Variants in TNNC1 observed in about 807,000 individuals in gnomAD.
TNNC1 encodes troponin C1, slow skeletal and cardiac type.
Under a neutral mutation model 19.6 loss-of-function variants are expected in TNNC1, and 10 were observed. The observed-to-expected ratio is 0.51, with a 90% CI of 0.31 to 0.87. TNNC1 has a LOEUF of 0.87. TNNC1 is among the 40% of genes least tolerant of loss of function. The pLI, the probability that TNNC1 is intolerant of heterozygous loss-of-function variation, is 0.04. For missense variants in TNNC1, 115 were observed against 219.8 expected (o/e 0.52, Z 3.02); for synonymous variants, 85 against 80.1 (o/e 1.06, Z -0.33).
At position 52,452,423 on chromosome 3, in the gene TNNC1, A is replaced by AG; in HGVS notation, c.55+59dup. 1 of 1,601,896 alleles carries AG rather than the reference A, an allele frequency of 6.2e-7. No homozygotes were observed. The highest frequency in any genetic ancestry group is 2.2e-5 in the East Asian group (1 of 44,644). On this transcript the variant is annotated intron_variant, in intron 2 of 5. Coordinates refer to ENST00000232975, the MANE Select transcript of TNNC1 (RefSeq NM_003280.3). This position sits in a 1 kb window ranked among gnomAD's most constrained non-coding sequence, Gnocchi z 5.2. ...TCTGGCCTGGGGTCCTCTTCTGATAAGGGGTCCCCATGCCAGCCTGGACCC... is the reference window on the plus strand; with the variant it reads ...TCTGGCCTGGGGTCCTCTTCTGATAAGGGGGTCCCCATGCCAGCCTGGACCC...
chr3:52,452,620 T>G lies in TNNC1; in HGVS notation c.25-107A>C. The G allele has an allele frequency of 8.0e-7, 1 of 1,244,930 alleles. No homozygotes were observed. Among genetic ancestry groups the G allele is most frequent in the Non-Finnish European group, 1.2e-6 (1 of 865,160 alleles). 77.1% of individuals were successfully genotyped at this position (1,244,930 alleles called of 1,614,324 possible). A position where few individuals can be genotyped will look rare whatever the true frequency, so the allele number is the denominator to read the frequency against. The stretch of plus-strand genomic sequence containing the variant: ...GCTGGAGCTGGAGGAGGCAGGCTAT[T>G]TCCAGGCCACAGAGTGGAGGTCTCA... On this transcript the variant is annotated intron_variant, in intron 1 of 5. Transcript: ENST00000232975. The surrounding 1 kb of genome is among the most constrained non-coding windows in gnomAD (Gnocchi z 5.2).
In TNNC1 at chr3:52,452,755, T is replaced by C; in HGVS notation, c.25-242A>G. 1 of 595,132 alleles carries C rather than the reference T, an allele frequency of 1.7e-6. No individual in the cohort carries two copies. Among genetic ancestry groups the C allele is most frequent in the Non-Finnish European group, 3.0e-6 (1 of 333,022 alleles). The allele number at this position is 595,132 out of a possible 1,614,324, so 36.9% of individuals were successfully genotyped here. On this transcript the variant is annotated intron_variant, in intron 1 of 5. Coordinates refer to ENST00000232975, the MANE Select transcript of TNNC1 (RefSeq NM_003280.3). The surrounding 1 kb of genome is among the most constrained non-coding windows in gnomAD (Gnocchi z 5.2). Reference sequence around the variant, plus strand: ...ACCCCCTTCAGGACCAAGGTGACCCTCAGTAACAATAGTCAGTGACCACTC... The same window carrying C: ...ACCCCCTTCAGGACCAAGGTGACCCCCAGTAACAATAGTCAGTGACCACTC...
rs1706365882 is a variant in TNNC1 at position 52,453,857 on chromosome 3, A to AGGGCCTGGGTTGAAGGCACGT, written c.24+114_24+134dup. 32 of 1,025,842 alleles carry AGGGCCTGGGTTGAAGGCACGT rather than the reference A, an allele frequency of 3.1e-5. No homozygotes were observed. The South Asian group carries it at 4.4e-4, about 14-fold the overall frequency. 63.5% of individuals were successfully genotyped at this position (1,025,842 alleles called of 1,614,324 possible). ...AAACACCAGAATCACTGTCCCTGTG[A>AGGGCCTGGGTTGAAGGCACGT]GGGCCTGGGTTGAAGGCACGTAGGC... On this transcript the variant is annotated intron_variant, in intron 1 of 5. Coordinates refer to ENST00000232975, the MANE Select transcript of TNNC1 (RefSeq NM_003280.3).
intron 1 of TNNC1, 66 bp downstream of exon 1, chr3:52,453,926 C>T: frequency 6.5e-7 from 1 of 1,545,246 alleles, no homozygotes; most frequent in African/African-American, 1.4e-5. Flanking sequence ...ACTAACCCCG[C>T]ACTCTCAGCT....
intron 1 of TNNC1, among the ~76,000 whole-genome samples, chr3:52,453,293 G>T (rs1053781681): frequency 1.3e-5 from 2 of 152,332 alleles, no homozygotes; most frequent in Middle Eastern, 3.4e-3. Flanking sequence ...CCAGGAGGTT[G>T]CAGGGGCTTG....
At position 52,451,748 on chromosome 3, in the gene TNNC1, C is replaced by G. The variant is rs1706330427; in HGVS notation, c.313G>C (p.Asp105His). Residue 105 changes from aspartate to histidine, a missense_variant, in exon 4 of 6, where the codon GAC becomes CAC. Asp to His is a moderately conservative substitution (Grantham distance 81). This residue lies in a region of TNNC1 where 96 missense variants were observed against 114.2 expected (regional missense o/e 0.84). Transcript: ENST00000232975. This position sits in a 1 kb window ranked among gnomAD's most constrained non-coding sequence, Gnocchi z 4.8. ...EELSDLFRMF[D>H]KNADGYIDLD... ...GGTCAAGGGTCACGTGCTCACTTGT[C>G]AAACATGCGGAAGAGGTCAGACAGC... 3.1e-6 allele frequency: 5 copies of G among 1,613,954 alleles called. No individual in the cohort carries two copies. Among genetic ancestry groups the G allele is most frequent in the Non-Finnish European group, 4.2e-6 (5 of 1,179,952 alleles).
Position 52,451,539 on chromosome 3 carries a change from G to A in TNNC1, c.318-12C>T. On this transcript the variant is annotated splice_polypyrimidine_tract_variant and intron_variant, in intron 4 of 5. Coordinates refer to ENST00000232975, the MANE Select transcript of TNNC1 (RefSeq NM_003280.3). This position sits in a 1 kb window ranked among gnomAD's most constrained non-coding sequence, Gnocchi z 4.8. Reference sequence around the variant, plus strand: ...AGCCATCAGCATTTCTGTGGGGAGGGGGCTCAGGGTAGGGCTGTGGGGAGG... The same window carrying A: ...AGCCATCAGCATTTCTGTGGGGAGGAGGCTCAGGGTAGGGCTGTGGGGAGG... The A allele has an allele frequency of 6.2e-7, 1 of 1,613,994 alleles. No individual in the cohort carries two copies. Among genetic ancestry groups the A allele is most frequent in the Non-Finnish European group, 8.5e-7 (1 of 1,180,002 alleles).
chr3:52,451,813 C>G lies in TNNC1; in HGVS notation c.248G>C (p.Arg83Pro). The G allele has an allele frequency of 6.2e-7, 1 of 1,614,080 alleles. No individual in the cohort carries two copies. The highest frequency in any genetic ancestry group is 1.1e-5 in the South Asian group (1 of 91,086). The change falls in exon 4 of 6, where the codon CGG becomes CCG. Residue 83 changes from arginine to proline, a missense_variant. Physicochemically the swap from Arg to Pro is moderately radical, Grantham distance 103 (BLOSUM62 -2). Coordinates refer to ENST00000232975, the MANE Select transcript of TNNC1 (RefSeq NM_003280.3). This position sits in a 1 kb window ranked among gnomAD's most constrained non-coding sequence, Gnocchi z 4.8. ...DFDEFLVMMV[R>P]CMKDDSKGKS... ...CCCTTTGCTGTCGTCCTTCATGCAC[C>G]GAACCATCATGACCAGGAACTCATC...
At chr3:52,453,186 C>T (rs1309401623) in intron 1 of TNNC1, among the ~76,000 whole-genome samples, 1 of 152,168 alleles carries the variant, frequency 6.6e-6, no homozygotes. Context: ...GAGGGGTTCC[C>T]CTGGGGACAG....
chr3:52,452,669 C>A lies in TNNC1; in HGVS notation c.25-156G>T. The A allele has an allele frequency of 1.2e-6, 1 of 839,414 alleles. No homozygotes were observed. The highest frequency in any genetic ancestry group is 2.0e-6 in the Non-Finnish European group (1 of 511,380). The allele number at this position is 839,414 out of a possible 1,614,324, so 52.0% of individuals were successfully genotyped here. Reference sequence around the variant, plus strand: ...CAGTCCTCCCTCCCTGCCCCCAAAGCCCTGACGTGACCCAGCTGGCCTCAC... The same window carrying A: ...CAGTCCTCCCTCCCTGCCCCCAAAGACCTGACGTGACCCAGCTGGCCTCAC... On this transcript the variant is annotated intron_variant, in intron 1 of 5. Coordinates refer to ENST00000232975, the MANE Select transcript of TNNC1 (RefSeq NM_003280.3). This position sits in a 1 kb window ranked among gnomAD's most constrained non-coding sequence, Gnocchi z 5.2.
chr3:52,453,904 T>C (rs996134893), intron 1 of TNNC1, 88 bp downstream of exon 1: 7 of 1,498,316 alleles, frequency 4.7e-6, no homozygotes, highest in Non-Finnish European at 6.4e-6. Context: ...TCCCCACCAC[T>C]TCCCTGGGGC....
Position 52,452,474 on chromosome 3 carries a change from G to T in TNNC1, c.55+9C>A, listed in dbSNP as rs750647348. 33 of 1,613,170 alleles carry T rather than the reference G, an allele frequency of 2.0e-5. No homozygotes were observed. The highest frequency in any genetic ancestry group is 3.4e-6 in the Non-Finnish European group (4 of 1,179,712). On this transcript the variant is annotated intron_variant, in intron 2 of 5. Transcript: ENST00000232975. The surrounding 1 kb of genome is among the most constrained non-coding windows in gnomAD (Gnocchi z 5.2). Reference sequence around the variant, plus strand: ...GCTGGTCTCCCACATGTGTGATAGGGATTCTCACCATTTTTCTGCTCTTCT... The same window carrying T: ...GCTGGTCTCCCACATGTGTGATAGGTATTCTCACCATTTTTCTGCTCTTCT...
In TNNC1 at chr3:52,451,401, G is replaced by C; in HGVS notation, c.444C>G (p.Ile148Met). 6.2e-7 allele frequency: 1 copy of C among 1,614,146 alleles called. No individual in the cohort carries two copies. The highest frequency in any genetic ancestry group is 8.5e-7 in the Non-Finnish European group (1 of 1,180,012). Reference sequence around the variant, plus strand: ...CACCCACCCGCTTACCATCATAGTCGATGCGGCCGTCGTTGTTCTTGTCTC... The same window carrying C: ...CACCCACCCGCTTACCATCATAGTCCATGCGGCCGTCGTTGTTCTTGTCTC... ...KDGDKNNDGRIDYDEFLEFMK... is the reference protein window; with the variant it reads ...KDGDKNNDGRMDYDEFLEFMK... Residue 148 changes from isoleucine to methionine, a missense_variant, in exon 5 of 6, where the codon ATC becomes ATG. Ile to Met is a conservative substitution (Grantham distance 10). This residue lies in a region of TNNC1 where 96 missense variants were observed against 114.2 expected (regional missense o/e 0.84). Coordinates refer to ENST00000232975, the MANE Select transcript of TNNC1 (RefSeq NM_003280.3). This position sits in a 1 kb window ranked among gnomAD's most constrained non-coding sequence, Gnocchi z 4.8.
intron 1 of TNNC1, 138 bp downstream of exon 1, chr3:52,453,854 G>C: frequency 3.0e-6 from 3 of 1,008,686 alleles, no homozygotes; most frequent in South Asian, 2.9e-5. Context: ...CACTGTCCCT[G>C]TGAGGGCCTG....
Position 52,452,819 on chromosome 3 carries a change from G to A in TNNC1, c.25-306C>T. ...CCCCTGATGAAACTCAAGCTGGGTG[G>A]CCCGAAGGACAGCTGTCCCTCAAGT... On this transcript the variant is annotated intron_variant, in intron 1 of 5. Coordinates refer to ENST00000232975, the MANE Select transcript of TNNC1 (RefSeq NM_003280.3). The surrounding 1 kb of genome is among the most constrained non-coding windows in gnomAD (Gnocchi z 5.2). The A allele has an allele frequency of 2.0e-6, 1 of 498,362 alleles. No individual in the cohort carries two copies. Among genetic ancestry groups the A allele is most frequent in the Non-Finnish European group, 3.7e-6 (1 of 273,488 alleles). The allele number at this position is 498,362 out of a possible 1,614,324, so 30.9% of individuals were successfully genotyped here. A position where few individuals can be genotyped will look rare whatever the true frequency, so the allele number is the denominator to read the frequency against.
chr3:52,452,635 T>G lies in TNNC1; in HGVS notation c.25-122A>C. On this transcript the variant is annotated intron_variant, in intron 1 of 5. Transcript: ENST00000232975. The surrounding 1 kb of genome is among the most constrained non-coding windows in gnomAD (Gnocchi z 5.2). The stretch of plus-strand genomic sequence containing the variant: ...GGCAGGCTATTTCCAGGCCACAGAG[T>G]GGAGGTCTCAGTCCTCCCTCCCTGC... 9.1e-7 allele frequency: 1 copy of G among 1,097,690 alleles called. No homozygotes were observed. Among genetic ancestry groups the G allele is most frequent in the Non-Finnish European group, 1.4e-6 (1 of 735,086 alleles). The allele number at this position is 1,097,690 out of a possible 1,614,324, so 68.0% of individuals were successfully genotyped here. A position where few individuals can be genotyped will look rare whatever the true frequency, so the allele number is the denominator to read the frequency against.
In TNNC1 at chr3:52,451,124, T is replaced by A. The variant is rs1389888374; in HGVS notation, c.*151A>T. 3.3e-6 allele frequency: 3 copies of A among 902,710 alleles called. No individual in the cohort carries two copies. The highest frequency in any genetic ancestry group is 5.3e-6 in the Non-Finnish European group (3 of 561,264). The allele number at this position is 902,710 out of a possible 1,614,324, so 55.9% of individuals were successfully genotyped here. On this transcript the variant is annotated 3_prime_UTR_variant, in exon 6 of 6. Transcript: ENST00000232975. The surrounding 1 kb of genome is among the most constrained non-coding windows in gnomAD (Gnocchi z 4.8). ...CTTGGGAGAGCAGGCTTTATTTGCATCCCCCAGGACAGATCTGGGGAGGGA... is the reference window on the plus strand; with the variant it reads ...CTTGGGAGAGCAGGCTTTATTTGCAACCCCCAGGACAGATCTGGGGAGGGA...
rs201615917 is a variant in TNNC1 at position 52,454,021 on chromosome 3, C to G, written c.-6G>C. 1.3e-6 allele frequency: 2 copies of G among 1,577,642 alleles called. No individual in the cohort carries two copies. Among genetic ancestry groups the G allele is most frequent in the Middle Eastern group, 3.3e-4 (2 of 6,010 alleles). ...GCCTTGTAGATGTCATCCATGCTGG[C>G]GGCTCACAGGACAGCTTGCTGGGGT... On this transcript the variant is annotated 5_prime_UTR_variant, in exon 1 of 6. Transcript: ENST00000232975.
rs1275686207 is a variant in TNNC1, at chr3:52,452,033, A to G, written c.202+73T>C. On this transcript the variant is annotated intron_variant, in intron 3 of 5. Coordinates refer to ENST00000232975, the MANE Select transcript of TNNC1 (RefSeq NM_003280.3). This position sits in a 1 kb window ranked among gnomAD's most constrained non-coding sequence, Gnocchi z 5.2. Reference sequence around the variant, plus strand: ...GGCTCGGATAGGCTAAATTGCTCCCAGCTAAACAGAGCCAGCATTCCAGCC... The same window carrying G: ...GGCTCGGATAGGCTAAATTGCTCCCGGCTAAACAGAGCCAGCATTCCAGCC... 1 of 1,610,788 alleles carries G rather than the reference A, an allele frequency of 6.2e-7. No individual in the cohort carries two copies. Among genetic ancestry groups the G allele is most frequent in the African/African-American group, 1.3e-5 (1 of 74,848 alleles).
Sources: gnomAD v4.1 joint callset for allele counts (sites outside exome capture counted in the v4.1 genomes callset) on GRCh38, gnomAD v4.1.1 for gene constraint, gnomAD v4.1.1 regional missense constraint, Gnocchi (gnomAD v3.1) non-coding constraint, MANE v1.5 for transcripts, NCBI Gene and HGNC (gene_info 2026-07-23, HGNC 2026-07-21) for gene names.